HECW1: variants seen among roughly 807,000 people sequenced by gnomAD.
HECW1 encodes E3 ubiquitin-protein ligase HECW1.
In HECW1, 61 loss-of-function variants were observed where a neutral mutation model predicts 182.3. That is an observed-to-expected ratio of 0.33 (90% CI 0.27 to 0.41). The LOEUF (loss-of-function observed/expected upper bound fraction) is 0.41, where lower values mean the gene tolerates loss of function less well. Among genes scored for constraint, HECW1 ranks in the 10% least tolerant of loss-of-function variants. The pLI, the probability that HECW1 is intolerant of heterozygous loss-of-function variation, is 1.00. For synonymous variants in HECW1, 859 were observed against 832.6 expected, an observed-to-expected ratio of 1.03 and a Z score of -0.55; for missense variants, 1,739 against 2,108.9, an observed-to-expected ratio of 0.82 and a Z score of 3.44.
intron 7 of HECW1, among the ~76,000 whole-genome samples, chr7:43,402,616 T>C (rs1445081037): frequency 6.6e-6 from 1 of 152,158 alleles, no homozygotes; most frequent in Non-Finnish European, 1.5e-5. Context: ...TACTCCAGCA[T>C]ACAGAGATAA....
chr7:43,492,536 C>A (rs1413878769), intron 18 of HECW1, among the ~76,000 whole-genome samples: 2 of 152,196 alleles, frequency 1.3e-5, no homozygotes, highest in African/African-American at 4.8e-5. Context: ...TTAATGTATA[C>A]CTCTCTTTCC....
intron 2 of HECW1, among the ~76,000 whole-genome samples, chr7:43,216,344 C>T (rs968633210): frequency 1.3e-5 from 2 of 152,076 alleles, no homozygotes; most frequent in East Asian, 1.9e-4. Context: ...CGAGCTTTCA[C>T]CATATTGGCC....
chr7:43,257,287 C>T (rs1800679741), intron 3 of HECW1, among the ~76,000 whole-genome samples: 1 of 152,210 alleles, frequency 6.6e-6, no homozygotes, highest in Non-Finnish European at 1.5e-5. Flanking sequence ...GTATTTGCTG[C>T]AGGACCTCTC....
intron 2 of HECW1, among the ~76,000 whole-genome samples, chr7:43,122,310 C>T (rs755745316): frequency 1.3e-5 from 2 of 152,248 alleles, no homozygotes; most frequent in South Asian, 2.1e-4. Flanking sequence ...CAGACCGGAG[C>T]GAGAATTGTC....
rs1398535947 is a variant in HECW1, at chr7:43,311,948, C to T, written c.213C>T (p.Asp71=). 1 of 1,614,232 alleles carries T rather than the reference C, an allele frequency of 6.2e-7. No homozygotes were observed. Among genetic ancestry groups the T allele is most frequent in the Non-Finnish European group, 8.5e-7 (1 of 1,180,044 alleles). The stretch of plus-strand genomic sequence containing the variant: ...TTCCCCGCTCCACCAGCGACACTGA[C>T]CTGGTCACCTCGGACAGCCGCTCCA... The part of the protein sequence containing the change: ...VTIPRSTSDT[D]LVTSDSRSTL... The change falls in exon 4 of 30, where the codon GAC becomes GAT. Residue 71 remains aspartate, a synonymous_variant. Coordinates refer to ENST00000395891, the MANE Select transcript of HECW1 (RefSeq NM_015052.5).
In HECW1 at chr7:43,466,491, A is replaced by G. The variant is rs775567347; in HGVS notation, c.2836A>G (p.Ile946Val). 7 of 1,613,946 alleles carry G rather than the reference A, an allele frequency of 4.3e-6. No homozygotes were observed. The South Asian group carries it at 4.4e-5, about 10-fold the overall frequency. Reference protein sequence around the residue: ...GSLSPVNSQKITLLLQSPAVK... With the variant: ...GSLSPVNSQKVTLLLQSPAVK... ...ACTTTCTCCAGTGAACTCACAAAAA[A>G]TCACCTTGCTGCTGCAGTCCCCAGC... The change falls in exon 15 of 30, where the codon ATC becomes GTC. Residue 946 changes from isoleucine (I) to valine (V), a missense_variant. Physicochemically the swap from Ile to Val is conservative, Grantham distance 29. Transcript: ENST00000395891.
intron 6 of HECW1, among the ~76,000 whole-genome samples, chr7:43,375,853 A>G (rs532829986): frequency 7.1e-6 from 1 of 141,102 alleles, no homozygotes; most frequent in East Asian, 2.1e-4. Context: ...TGATCAAACC[A>G]TTGTACTCCA....
At chr7:43,430,517 A>G (rs1262694948) in intron 8 of HECW1, among the ~76,000 whole-genome samples, 1 of 152,220 alleles carries the variant, frequency 6.6e-6, no homozygotes, top group African/African-American at 2.4e-5. Flanking sequence ...TAAAGGAGGA[A>G]GTATTTTGAC....
chr7:43,386,396 G>A (rs2074799029), intron 6 of HECW1, among the ~76,000 whole-genome samples: 1 of 152,190 alleles, frequency 6.6e-6, no homozygotes, highest in South Asian at 2.1e-4. Flanking sequence ...GAGGTTGAAG[G>A]TGGAGGAGGA....
At position 43,336,454 on chromosome 7, in the gene HECW1, C is replaced by T. The variant is rs577499181; in HGVS notation, c.460+15712C>T. 5.3e-5 allele frequency among the ~76,000 whole-genome samples: 8 copies of T among 152,148 alleles called. No individual in the cohort carries two copies. The South Asian group carries it at 1.7e-3, about 32-fold the overall frequency. On this transcript the variant is annotated intron_variant, in intron 5 of 29. Coordinates refer to ENST00000395891, the MANE Select transcript of HECW1 (RefSeq NM_015052.5). ...AAGTGCTGGGATTACAGGTGTGAGC[C>T]ACCACTCCCAGCCAAGATTTGGACT... is the stretch of plus-strand genomic sequence containing the variant.
At chr7:43,248,653 G>C (rs1352005375) in intron 3 of HECW1, 1 of 152,448 alleles carries the variant, frequency 6.6e-6, no homozygotes, top group Admixed American at 6.6e-5. Context: ...CCATTGTAAG[G>C]CCGGCTGCTT....
At chr7:43,256,609 CAAAAAAA>C (rs756396122) in intron 3 of HECW1, among the ~76,000 whole-genome samples, 6 of 55,398 alleles carry the variant, frequency 1.1e-4, no homozygotes, top group East Asian at 6.3e-4. Flanking sequence ...AACTTCATCT[CAAAAAAA>C]AAAAAAAAAA....
rs541573220 is a variant in HECW1 at position 43,544,618 on chromosome 7, A to G, written c.4248+2620A>G. 2.6e-5 allele frequency among the ~76,000 whole-genome samples: 4 copies of G among 152,296 alleles called. No homozygotes were observed. The East Asian group carries it at 7.7e-4, about 29-fold the overall frequency. ...ACACGTCTAGAAATTTGTCCTACCGATACATTAACACCTAATTAAAATTAC... is the reference window on the plus strand; with the variant it reads ...ACACGTCTAGAAATTTGTCCTACCGGTACATTAACACCTAATTAAAATTAC... On this transcript the variant is annotated intron_variant, in intron 26 of 29. Coordinates refer to ENST00000395891, the MANE Select transcript of HECW1 (RefSeq NM_015052.5).
At chr7:43,461,430 T>A (rs1464552900) in intron 13 of HECW1, among the ~76,000 whole-genome samples, 3 of 152,242 alleles carry the variant, frequency 2.0e-5, no homozygotes, top group Admixed American at 6.5e-5. Context: ...GAAGAGCATG[T>A]GGGTCTAAAA....
intron 2 of HECW1, among the ~76,000 whole-genome samples, chr7:43,177,495 G>C (rs370229656): frequency 6.6e-5 from 10 of 152,204 alleles, no homozygotes; most frequent in African/African-American, 2.4e-4. Context: ...CATCTTTCCC[G>C]TGCTGTCTTC....
intron 6 of HECW1, among the ~76,000 whole-genome samples, chr7:43,379,107 C>T (rs969264547): frequency 6.6e-5 from 10 of 152,146 alleles, no homozygotes; most frequent in Non-Finnish European, 2.9e-5. Flanking sequence ...ACCCCACCCT[C>T]GTTAAACTTA....
At chr7:43,309,758 T>C (rs1393801051) in intron 3 of HECW1, among the ~76,000 whole-genome samples, 1 of 152,226 alleles carries the variant, frequency 6.6e-6, no homozygotes, top group African/African-American at 2.4e-5. Context: ...TGAAGGTTTC[T>C]TGAATTTAAT....
chr7:43,284,119 A>G (rs1161710696), intron 3 of HECW1, among the ~76,000 whole-genome samples: 1 of 152,024 alleles, frequency 6.6e-6, no homozygotes, highest in Non-Finnish European at 1.5e-5. Context: ...TGGGGCGGGG[A>G]CCCTTCTCAC....
At chr7:43,391,996 C>G (rs776942855) in intron 6 of HECW1, among the ~76,000 whole-genome samples, 87 of 152,144 alleles carry the variant, frequency 5.7e-4, no homozygotes, top group Admixed American at 1.8e-3. Flanking sequence ...CCCTAGATCT[C>G]TGATGCAAAG....
Sources: gnomAD v4.1 joint callset for allele counts (sites outside exome capture counted in the v4.1 genomes callset) on GRCh38, gnomAD v4.1.1 for gene constraint, MANE v1.5 for transcripts, NCBI Gene and HGNC (gene_info 2026-07-23, HGNC 2026-07-21) for gene names.